STX11: variants seen among roughly 807,000 people sequenced by gnomAD.
The protein encoded by STX11 is syntaxin 11.
Under a neutral mutation model 19.9 loss-of-function variants are expected in STX11, and 21 were observed. That is an observed-to-expected ratio of 1.06 (90% confidence interval 0.75 to 1.52). The LOEUF is 1.52. Among genes scored for constraint, STX11 ranks in the 40% most tolerant of loss-of-function variants. STX11 has a pLI of 0.00. For synonymous variants in STX11, 193 were observed against 174.4 expected (o/e 1.11, Z -0.84); for missense variants, 438 against 405.9 (o/e 1.08, Z -0.68).
chr6:144,152,331 CT>C lies in STX11; in HGVS notation c.-6+1629del, dbSNP rs1338212916. Among the ~76,000 whole-genome samples the C allele has an allele frequency of 6.6e-6, 1 of 152,158 alleles. No homozygotes were observed. Among genetic ancestry groups the C allele is most frequent in the Non-Finnish European group, 1.5e-5 (1 of 68,034 alleles). ...GAGAAAAGTTTCTGTCCCAATATGA[CT>C]GATGTTTCTGAAGATCTGGGATTTG... On this transcript the variant is annotated intron_variant, in intron 1 of 1. Coordinates refer to ENST00000367568, the MANE Select transcript of STX11 (RefSeq NM_003764.4). The surrounding 1 kb of genome is among the most constrained non-coding windows in gnomAD (Gnocchi z 4.9).
rs182307860 is a variant in STX11, at chr6:144,165,150, T to A, written c.-6+14447T>A. Among the ~76,000 whole-genome samples the A allele has an allele frequency of 6.6e-6, 1 of 152,110 alleles. No individual in the cohort carries two copies. Among genetic ancestry groups the A allele is most frequent in the Non-Finnish European group, 1.5e-5 (1 of 68,006 alleles). ...CTTTGACAGGTGTAATGCAATATATTCACTTTGAAGAAAAATTTTCTTGGC... is the reference window on the plus strand; with the variant it reads ...CTTTGACAGGTGTAATGCAATATATACACTTTGAAGAAAAATTTTCTTGGC... On this transcript the variant is annotated intron_variant, in intron 1 of 1. Transcript: ENST00000367568. This position sits in a 1 kb window ranked among gnomAD's most constrained non-coding sequence, Gnocchi z 5.8.
rs1376889228 is a variant in STX11 at position 144,159,229 on chromosome 6, C to T, written c.-6+8526C>T. 6.6e-6 allele frequency among the ~76,000 whole-genome samples: 1 copy of T among 152,070 alleles called. No individual in the cohort carries two copies. Reference sequence around the variant, plus strand: ...GGTGCTCTGGAGTAAATGGTGCAGACACAACAGGTACAGCTCCTGACCCTA... The same window carrying T: ...GGTGCTCTGGAGTAAATGGTGCAGATACAACAGGTACAGCTCCTGACCCTA... On this transcript the variant is annotated intron_variant, in intron 1 of 1. Coordinates refer to ENST00000367568, the MANE Select transcript of STX11 (RefSeq NM_003764.4). This position sits in a 1 kb window ranked among gnomAD's most constrained non-coding sequence, Gnocchi z 4.3.
chr6:144,179,812 T>G (rs892008172), intron 1 of STX11, among the ~76,000 whole-genome samples: 1 of 152,196 alleles, frequency 6.6e-6, no homozygotes, highest in Non-Finnish European at 1.5e-5. Flanking sequence ...ACCTTCTGAT[T>G]TGTAATAATC....
At chr6:144,166,525 C>CTTTTTTTTTTTTTTTTTTTTTTTTTTTCT (rs1174123119) in intron 1 of STX11, among the ~76,000 whole-genome samples, 1 of 125,534 alleles carries the variant, frequency 8.0e-6, no homozygotes, top group Non-Finnish European at 1.7e-5. Flanking sequence ...CTTTTCTTTC[C>CTTTTTTTTTTTTTTTTTTTTTTTTTTTCT]TTTTTTTTTT....
rs746950664 is a variant in STX11, at chr6:144,187,346, A to G, written c.719A>G (p.Asp240Gly). ...QMAVLVEKQA[D>G]TLNVIELNVQ... ...GCGGTGCTGGTGGAGAAGCAGGCCG[A>G]CACCCTGAACGTCATCGAGCTCAAC... Residue 240 changes from aspartate to glycine, a missense_variant, in exon 2 of 2, where the codon GAC (aspartate) becomes GGC (glycine). Asp to Gly is a moderately conservative substitution (Grantham distance 94, BLOSUM62 -1). Transcript: ENST00000367568. The surrounding 1 kb of genome is among the most constrained non-coding windows in gnomAD (Gnocchi z 5.6). 1.9e-6 allele frequency: 3 copies of G among 1,610,476 alleles called. No homozygotes were observed. Among genetic ancestry groups the G allele is most frequent in the African/African-American group, 1.3e-5 (1 of 75,042 alleles).
the STX11 span, chr6:144,140,943 T>C: frequency 3.3e-6 from 1 of 303,890 alleles, no homozygotes; most frequent in Middle Eastern, 1.5e-3. Flanking sequence ...ATTATTCACA[T>C]TCAAAACCAG....
chr6:144,146,433 T>C (rs1800874968), upstream of STX11, among the ~76,000 whole-genome samples: 1 of 152,160 alleles, frequency 6.6e-6, no homozygotes, highest in African/African-American at 2.4e-5. The surrounding 1 kb of genome is among the most constrained non-coding windows in gnomAD (Gnocchi z 4.4). Flanking sequence ...TAATTCAGAT[T>C]GGCCATACTC....
In STX11 at chr6:144,150,622, C is replaced by T. The variant is rs146840517; in HGVS notation, c.-87C>T. On this transcript the variant is annotated 5_prime_UTR_variant, in exon 1 of 2. Coordinates refer to ENST00000367568, the MANE Select transcript of STX11 (RefSeq NM_003764.4). The stretch of plus-strand genomic sequence containing the variant: ...CGCCGGGAGTCGCGCAACAGGTTTC[C>T]TTCTCCATCGCTGCGCCCACAGGGG... The T allele has an allele frequency of 2.1e-3, 2,021 of 985,456 alleles. 30 individuals are homozygous for T. In the African/African-American group the frequency reaches 0.033, roughly 16 times the overall value. 61.0% of individuals were successfully genotyped at this position (985,456 alleles called of 1,614,324 possible).
chr6:144,186,834 C>A lies in STX11; in HGVS notation c.207C>A (p.Asn69Lys), dbSNP rs752945709. ...ACGTGAAGCGGCTGGGAAAGCAGAA[C>A]GCCCGCTTCCTCACGTCCATGCGGC... is the stretch of plus-strand genomic sequence containing the variant. ...VADVKRLGKQ[N>K]ARFLTSMRRL... Residue 69 changes from asparagine to lysine, a missense_variant, in exon 2 of 2, where the codon AAC becomes AAA. Coordinates refer to ENST00000367568, the MANE Select transcript of STX11 (RefSeq NM_003764.4). 1.2e-6 allele frequency: 2 copies of A among 1,613,366 alleles called. No homozygotes were observed. Among genetic ancestry groups the A allele is most frequent in the Non-Finnish European group, 1.7e-6 (2 of 1,179,952 alleles).
intron 1 of STX11, among the ~76,000 whole-genome samples, chr6:144,157,254 G>A (rs886206258): frequency 2.0e-5 from 3 of 152,206 alleles, no homozygotes; most frequent in African/African-American, 4.8e-5. Flanking sequence ...GAGGAGCTTG[G>A]AAGCTGGGAT....
chr6:144,180,704 C>G lies in STX11; in HGVS notation c.-5-5919C>G, dbSNP rs1801890835. ...TCTTTATCAGCAGTGTGAAAATGGACTAATACAATGTGATTGTCACCTCCA... is the reference window on the plus strand; with the variant it reads ...TCTTTATCAGCAGTGTGAAAATGGAGTAATACAATGTGATTGTCACCTCCA... On this transcript the variant is annotated intron_variant, in intron 1 of 1. Coordinates refer to ENST00000367568, the MANE Select transcript of STX11 (RefSeq NM_003764.4). This position sits in a 1 kb window ranked among gnomAD's most constrained non-coding sequence, Gnocchi z 5.3. Among the ~76,000 whole-genome samples the G allele has an allele frequency of 6.6e-6, 1 of 152,162 alleles. No homozygotes were observed. Among genetic ancestry groups the G allele is most frequent in the Non-Finnish European group, 1.5e-5 (1 of 68,030 alleles).
In STX11 at chr6:144,153,338, T is replaced by C. The variant is rs1007134915; in HGVS notation, c.-6+2635T>C. ...CATGATAAGTGTTAGAAAGTGTTTA[T>C]TGATGGAATAATGAACCTTCACGTA... is the stretch of plus-strand genomic sequence containing the variant. On this transcript the variant is annotated intron_variant, in intron 1 of 1. Coordinates refer to ENST00000367568, the MANE Select transcript of STX11 (RefSeq NM_003764.4). This position sits in a 1 kb window ranked among gnomAD's most constrained non-coding sequence, Gnocchi z 5.0. Among the ~76,000 whole-genome samples the C allele has an allele frequency of 2.6e-5, 4 of 152,196 alleles. No homozygotes were observed. The highest frequency in any genetic ancestry group is 9.7e-5 in the African/African-American group (4 of 41,448).
rs1478533410 is a variant in STX11 at position 144,187,015 on chromosome 6, G to A, written c.388G>A (p.Ala130Thr). The stretch of plus-strand genomic sequence containing the variant: ...CTCGGCAGTGGCGCGCATTTCGCGG[G>A]CGCAGTACAACGCGCTCACCCTCAC... The part of the protein sequence containing the change: ...PHSAVARISR[A>T]QYNALTLTFQ... The change falls in exon 2 of 2, where the codon GCG (alanine) becomes ACG (threonine). Residue 130 changes from alanine (A) to threonine (T), a missense_variant. By Grantham distance (58) the Ala-to-Thr change is moderately conservative (BLOSUM62 0). Transcript: ENST00000367568. The surrounding 1 kb of genome is among the most constrained non-coding windows in gnomAD (Gnocchi z 5.6). The A allele has an allele frequency of 1.9e-6, 3 of 1,611,494 alleles. No individual in the cohort carries two copies. The South Asian group carries it at 3.3e-5, about 18-fold the overall frequency.
chr6:144,156,643 G>T (rs138350759), intron 1 of STX11, among the ~76,000 whole-genome samples: 1 of 151,928 alleles, frequency 6.6e-6, no homozygotes, highest in Admixed American at 6.5e-5. Context: ...CTCTTTTCAC[G>T]GTTATATTTC....
chr6:144,178,379 G>A (rs1472565736), intron 1 of STX11, among the ~76,000 whole-genome samples: 1 of 152,204 alleles, frequency 6.6e-6, no homozygotes, highest in African/African-American at 2.4e-5. Flanking sequence ...TCACTGTAGA[G>A]CAGAATGTAT....
the STX11 span, among the ~76,000 whole-genome samples, chr6:144,145,074 A>G: frequency 6.6e-6 from 1 of 152,206 alleles, no homozygotes. Flanking sequence ...GAAAGCAGGG[A>G]CTCAAAGAGA....
Position 144,170,121 on chromosome 6 carries a change from C to G in STX11, c.-5-16502C>G, listed in dbSNP as rs1277483594. The stretch of plus-strand genomic sequence containing the variant: ...CTGGTTTCTCCAATAGCTTGATTTT[C>G]TTTGCTACAGATAAACATAAACGCT... On this transcript the variant is annotated intron_variant, in intron 1 of 1. Coordinates refer to ENST00000367568, the MANE Select transcript of STX11 (RefSeq NM_003764.4). This position sits in a 1 kb window ranked among gnomAD's most constrained non-coding sequence, Gnocchi z 4.7. 6.6e-6 allele frequency among the ~76,000 whole-genome samples: 1 copy of G among 152,166 alleles called. No homozygotes were observed. The highest frequency in any genetic ancestry group is 2.4e-5 in the African/African-American group (1 of 41,436).
chr6:144,155,976 T>C lies in STX11; in HGVS notation c.-6+5273T>C, dbSNP rs1245367201. ...TTTCTTTCTTTCTTTCTTTCTTTCT[T>C]TCTTTCTTTCTTTCTTTCTTTCTTT... is the stretch of plus-strand genomic sequence containing the variant. On this transcript the variant is annotated intron_variant, in intron 1 of 1. Coordinates refer to ENST00000367568, the MANE Select transcript of STX11 (RefSeq NM_003764.4). This position sits in a 1 kb window ranked among gnomAD's most constrained non-coding sequence, Gnocchi z 4.5. Among the ~76,000 whole-genome samples the C allele has an allele frequency of 7.6e-6, 1 of 131,992 alleles. No individual in the cohort carries two copies. Among genetic ancestry groups the C allele is most frequent in the Non-Finnish European group, 1.5e-5 (1 of 66,658 alleles). The allele number at this position is 131,992 out of a possible 152,430, so 86.6% of individuals were successfully genotyped here. A position where few individuals can be genotyped will look rare whatever the true frequency, so the allele number is the denominator to read the frequency against.
At chr6:144,144,206 T>G in the STX11 span, among the ~76,000 whole-genome samples, 1 of 152,238 alleles carries the variant, frequency 6.6e-6, no homozygotes, top group Non-Finnish European at 1.5e-5. Context: ...TCTTGAAACT[T>G]ATGATTTAGT....
Sources: gnomAD v4.1 joint callset for allele counts (sites outside exome capture counted in the v4.1 genomes callset) on GRCh38, gnomAD v4.1.1 for gene constraint, Gnocchi (gnomAD v3.1) non-coding constraint, MANE v1.5 for transcripts, NCBI Gene and HGNC (gene_info 2026-07-23, HGNC 2026-07-21) for gene names.